Variants in ELOVL6 observed in about 807,000 individuals in gnomAD.
The protein encoded by ELOVL6 is very long chain fatty acid elongase 6.
In ELOVL6, 8 loss-of-function variants were observed where a neutral mutation model predicts 31.7. The observed-to-expected ratio is 0.25, with a 90% CI of 0.15 to 0.45. The LOEUF is 0.45. Ranked by LOEUF, ELOVL6 falls within the 20% of genes least tolerant of loss-of-function variation. ELOVL6 has a pLI of 1.00. For missense variants in ELOVL6, 126 were observed against 326.4 expected, an observed-to-expected ratio of 0.39 and a Z score of 4.73; for synonymous variants, 101 against 117.7, an observed-to-expected ratio of 0.86 and a Z score of 0.92.
chr4:110,128,607 G>C (rs1352569237), intron 1 of ELOVL6, among the ~76,000 whole-genome samples: 2 of 152,174 alleles, frequency 1.3e-5, no homozygotes, highest in Admixed American at 6.5e-5. Context: ...TCATTTCAGA[G>C]CAACTCGTTA....
At chr4:110,136,054 T>C (rs1757800256) in intron 1 of ELOVL6, among the ~76,000 whole-genome samples, 2 of 152,222 alleles carry the variant, frequency 1.3e-5, no homozygotes, top group Admixed American at 6.5e-5. Context: ...GATGGGCTTC[T>C]TAAAGCATTG....
chr4:110,083,169 T>G (rs1195140465), intron 2 of ELOVL6, among the ~76,000 whole-genome samples: 1 of 151,744 alleles, frequency 6.6e-6, no homozygotes, highest in Admixed American at 6.6e-5. Context: ...ACAAAACCCA[T>G]ATTCTAGTGA....
At chr4:110,092,838 C>T (rs1169789450) in intron 2 of ELOVL6, among the ~76,000 whole-genome samples, 1 of 151,998 alleles carries the variant, frequency 6.6e-6, no homozygotes, top group Admixed American at 6.6e-5. Context: ...CATCCCAAAC[C>T]CTGCCAAACA....
intron 1 of ELOVL6, among the ~76,000 whole-genome samples, chr4:110,189,140 C>T (rs1312264686): frequency 6.6e-6 from 1 of 151,714 alleles, no homozygotes; most frequent in Non-Finnish European, 1.5e-5. Context: ...ATTAGTTGGG[C>T]AAGGTGGTGC....
At chr4:110,146,357 G>A (rs1758109804) in intron 1 of ELOVL6, 1 of 152,158 alleles carries the variant, frequency 6.6e-6, no homozygotes, top group South Asian at 2.1e-4. Context: ...AAGAGCTGAA[G>A]TAAAACCTCT....
chr4:110,186,240 G>C (rs939004838), intron 1 of ELOVL6, among the ~76,000 whole-genome samples: 27 of 151,820 alleles, frequency 1.8e-4, no homozygotes. Flanking sequence ...AAAAAATAAA[G>C]TGACTTAACA....
chr4:110,197,717 T>A (rs1759851968), intron 1 of ELOVL6, among the ~76,000 whole-genome samples: 2 of 151,616 alleles, frequency 1.3e-5, no homozygotes, highest in Admixed American at 1.3e-4. Flanking sequence ...GACGGTGAAG[T>A]AGGAGCGCTG....
chr4:110,120,798 C>CTTTTTTTTTTTTTTTT, intron 1 of ELOVL6, among the ~76,000 whole-genome samples: 2 of 117,870 alleles, frequency 1.7e-5, no homozygotes, highest in Non-Finnish European at 3.5e-5. Flanking sequence ...TTTTTCTTTT[C>CTTTTTTTTTTTTTTTT]TTTTTTTTTT....
intron 2 of ELOVL6, among the ~76,000 whole-genome samples, chr4:110,096,103 T>C (rs1358427787): frequency 6.6e-6 from 1 of 152,234 alleles, no homozygotes; most frequent in Non-Finnish European, 1.5e-5. Context: ...ATCCATGGTG[T>C]TCTTCCTTTT....
chr4:110,114,093 G>A (rs1201706599), intron 1 of ELOVL6, among the ~76,000 whole-genome samples: 1 of 151,584 alleles, frequency 6.6e-6, no homozygotes, highest in Admixed American at 6.6e-5. Flanking sequence ...CCTTGAAAAC[G>A]AAAAAAAGTG....
intron 2 of ELOVL6, among the ~76,000 whole-genome samples, chr4:110,060,639 A>G (rs1755110798): frequency 6.6e-6 from 1 of 152,240 alleles, no homozygotes. Flanking sequence ...ACTTGGCAAT[A>G]GGAACAAGCA....
chr4:110,079,766 C>CA (rs1755772907), intron 2 of ELOVL6, among the ~76,000 whole-genome samples: 2 of 142,644 alleles, frequency 1.4e-5, no homozygotes, highest in Non-Finnish European at 1.6e-5. Flanking sequence ...AACAGAGACA[C>CA]AAAAAACCCT....
rs1211329333 is a variant in ELOVL6, at chr4:110,104,388, G to C, written c.221+1109C>G. Among the ~76,000 whole-genome samples the C allele has an allele frequency of 4.6e-5, 7 of 152,248 alleles. 1 individual carries two copies. The East Asian group carries it at 1.4e-3, about 29-fold the overall frequency. ...CTTCAAACCTAGGGCTTTAGAAATT[G>C]CACTGAAATAAAAAGTATATTCAGT... On this transcript the variant is annotated intron_variant, in intron 2 of 3. Coordinates refer to ENST00000302274, the MANE Select transcript of ELOVL6 (RefSeq NM_024090.3).
At chr4:110,187,863 C>A (rs1176566661) in intron 1 of ELOVL6, among the ~76,000 whole-genome samples, 1 of 152,154 alleles carries the variant, frequency 6.6e-6, no homozygotes, top group East Asian at 1.9e-4. Flanking sequence ...ATAACAGTGG[C>A]AGCCTCTGGA....
In ELOVL6 at chr4:110,045,999, T is replaced by G. The variant is rs1258252221; in HGVS notation, c.*5339A>C. On this transcript the variant is annotated 3_prime_UTR_variant, in exon 4 of 4. Coordinates refer to ENST00000302274, the MANE Select transcript of ELOVL6 (RefSeq NM_024090.3). ...AGGCTTATATGGGTGGGCTTCCATA[T>G]GAATATGGGCTCTGAGGTCCCCAAG... 1 of 152,192 alleles carries G rather than the reference T, an allele frequency of 6.6e-6. No homozygotes were observed. Among genetic ancestry groups the G allele is most frequent in the Non-Finnish European group, 1.5e-5 (1 of 68,038 alleles). 9.4% of individuals were successfully genotyped at this position (152,192 alleles called of 1,614,324 possible).
chr4:110,195,210 C>T (rs561003107), intron 1 of ELOVL6, among the ~76,000 whole-genome samples: 3 of 152,146 alleles, frequency 2.0e-5, no homozygotes, highest in African/African-American at 4.8e-5. Context: ...TTGAACCTCC[C>T]GGGTTCAAGC....
intron 1 of ELOVL6, among the ~76,000 whole-genome samples, chr4:110,159,225 T>C (rs1222196340): frequency 6.6e-6 from 1 of 152,148 alleles, no homozygotes; most frequent in Non-Finnish European, 1.5e-5. Context: ...AATACACTTT[T>C]ATGGAGTGCC....
At chr4:110,090,975 T>A (rs980464191) in intron 2 of ELOVL6, among the ~76,000 whole-genome samples, 1 of 152,132 alleles carries the variant, frequency 6.6e-6, no homozygotes, top group Non-Finnish European at 1.5e-5. Flanking sequence ...TGTGAATGCA[T>A]AGGAAGAAAT....
At position 110,046,063 on chromosome 4, in the gene ELOVL6, C is replaced by G. The variant is rs1330844168; in HGVS notation, c.*5275G>C. ...CAGTGGTTTTCAAGATAGCAGCAAG[C>G]AACCTCCTGCCTGAATATGTCTAGA... On this transcript the variant is annotated 3_prime_UTR_variant, in exon 4 of 4. Transcript: ENST00000302274. The G allele has an allele frequency of 6.6e-6, 1 of 152,158 alleles. No individual in the cohort carries two copies. Among genetic ancestry groups the G allele is most frequent in the African/African-American group, 2.4e-5 (1 of 41,438 alleles). 9.4% of individuals were successfully genotyped at this position (152,158 alleles called of 1,614,324 possible).
Sources: allele counts gnomAD v4.1 joint callset (sites outside exome capture counted in the v4.1 genomes callset), GRCh38; gene constraint gnomAD v4.1.1; transcripts MANE v1.5; gene names NCBI Gene and HGNC (gene_info 2026-07-23, HGNC 2026-07-21).